SMPD4: variants seen among roughly 807,000 people sequenced by gnomAD.
SMPD4 encodes neutral sphingomyelinase 3.
A neutral mutation model predicts 97.8 loss-of-function variants in SMPD4; 58 were observed. That is an observed-to-expected ratio of 0.59 (90% CI 0.48 to 0.74). The LOEUF (loss-of-function observed/expected upper bound fraction) is 0.74. Among genes scored for constraint, SMPD4 ranks in the 30% least tolerant of loss-of-function variants. The pLI is 0.00. For synonymous variants in SMPD4, 388 were observed against 450.0 expected, an observed-to-expected ratio of 0.86 and a Z score of 1.74; for missense variants, 853 against 1,080.5, an observed-to-expected ratio of 0.79 and a Z score of 2.95.
rs1467239377 is a variant in SMPD4, at chr2:130,161,221, C to T, written c.916G>A (p.Ala306Thr). The part of the protein sequence containing the change: ...LSVSSALYSP[A>T]QPSLQALHAY... ...TGGAGGGCCTGGAGGCTGGGTTGGG[C>T]GGGGCTGTAGAGGGCGCTGGAGACA... Residue 306 changes from alanine (A) to threonine (T), a missense_variant, in exon 11 of 20, where the codon GCC (alanine) becomes ACC (threonine). Ala to Thr is a moderately conservative substitution (Grantham distance 58). Around this residue, in one of 3 missense-constraint regions of SMPD4, gnomAD observed 313 missense variants for 402.2 expected, o/e 0.78. Coordinates refer to ENST00000680298, the MANE Select transcript of SMPD4 (RefSeq NM_017951.5). The T allele has an allele frequency of 3.1e-6, 5 of 1,613,676 alleles. No homozygotes were observed. The highest frequency in any genetic ancestry group is 3.3e-5 in the Admixed American group (2 of 59,996).
intron 11 of SMPD4, chr2:130,157,872 G>C (rs1472414295): frequency 4.8e-6 from 1 of 206,362 alleles, no homozygotes; most frequent in Non-Finnish European, 1.0e-5. Flanking sequence ...CAGGTGTGGT[G>C]CCTCAGACCT....
At chr2:130,175,031 G>A (rs758624930) in intron 2 of SMPD4, 31 bp from the exon 3 acceptor site, 103 of 1,514,304 alleles carry the variant, frequency 6.8e-5, no homozygotes, top group Non-Finnish European at 8.6e-5. Context: ...AAAAAGTCAC[G>A]AGGACATTCA....
intron 1 of SMPD4, among the ~76,000 whole-genome samples, chr2:130,179,692 G>A (rs533312681): frequency 4.0e-5 from 6 of 150,620 alleles, no homozygotes; most frequent in African/African-American, 9.8e-5. Flanking sequence ...GTCTCGCTCC[G>A]TTGCCAAGCT....
chr2:130,180,148 A>G (rs1689401188), intron 1 of SMPD4, among the ~76,000 whole-genome samples: 1 of 145,188 alleles, frequency 6.9e-6, no homozygotes, highest in Non-Finnish European at 1.5e-5. Flanking sequence ...TTGTATTTTT[A>G]GTAGACAGGG....
chr2:130,174,792 G>C, intron 3 of SMPD4, 122 bp downstream of exon 3: 2 of 659,000 alleles, frequency 3.0e-6, no homozygotes, highest in Non-Finnish European at 2.8e-6. Flanking sequence ...CATGGTAATG[G>C]CCAGGCCTCT....
rs1688832494 is a variant in SMPD4 at position 130,174,996 on chromosome 2, C to T, written c.44G>A (p.Ser15Asn). 6.2e-7 allele frequency: 1 copy of T among 1,605,412 alleles called. No individual in the cohort carries two copies. Among genetic ancestry groups the T allele is most frequent in the Non-Finnish European group, 8.5e-7 (1 of 1,172,546 alleles). Residue 15 changes from serine to asparagine, a missense_variant, in exon 3 of 20, where the codon AGC (serine) becomes AAC (asparagine). Ser to Asn is a conservative substitution (Grantham distance 46, BLOSUM62 1). Transcript: ENST00000680298. ...CTTATTTATAGAGTCAGCTTTCAGGCTAGCCTAGAAGACAGAACAAAGCGA... is the reference window on the plus strand; with the variant it reads ...CTTATTTATAGAGTCAGCTTTCAGGTTAGCCTAGAAGACAGAACAAAGCGA... Reference protein sequence around the residue: ...HLQQPSFLLASLKADSINKPF... With the variant: ...HLQQPSFLLANLKADSINKPF...
chr2:130,164,403 A>G lies in SMPD4; in HGVS notation c.835T>C (p.Tyr279His). 1.2e-6 allele frequency: 2 copies of G among 1,614,164 alleles called. No individual in the cohort carries two copies. Among genetic ancestry groups the G allele is most frequent in the Non-Finnish European group, 1.7e-6 (2 of 1,180,018 alleles). ...MWLHHYSLEM[Y>H]QKMQSPHAKL... Reference sequence around the variant, plus strand: ...GCATGAGGGGACTGCATTTTTTGATACATCTCCAAGGAATAGTGATGAAGC... The same window carrying G: ...GCATGAGGGGACTGCATTTTTTGATGCATCTCCAAGGAATAGTGATGAAGC... The change falls in exon 10 of 20, where the codon TAT (tyrosine) becomes CAT (histidine). Residue 279 changes from tyrosine to histidine, a missense_variant. Tyr to His is a moderately conservative substitution (Grantham distance 83). Coordinates refer to ENST00000680298, the MANE Select transcript of SMPD4 (RefSeq NM_017951.5).
intron 1 of SMPD4, among the ~76,000 whole-genome samples, chr2:130,179,155 G>A (rs1452967468): frequency 1.4e-5 from 2 of 141,120 alleles, no homozygotes; most frequent in Non-Finnish European, 1.5e-5. Context: ...ACAGAGTCTC[G>A]CTCTGTTGCC....
intron 10 of SMPD4, among the ~76,000 whole-genome samples, chr2:130,163,573 G>A (rs1183947121): frequency 6.6e-6 from 1 of 152,258 alleles, no homozygotes; most frequent in African/African-American, 2.4e-5. Flanking sequence ...AGTTTCCCAA[G>A]CATACTGATG....
At position 130,181,597 on chromosome 2, in the gene SMPD4, G is replaced by C. The variant is rs772208116; in HGVS notation, c.-113C>G. 8.1e-6 allele frequency: 13 copies of C among 1,601,760 alleles called. No individual in the cohort carries two copies. The Admixed American group carries it at 2.1e-4, about 25-fold the overall frequency. On this transcript the variant is annotated 5_prime_UTR_variant, in exon 1 of 20. Coordinates refer to ENST00000680298, the MANE Select transcript of SMPD4 (RefSeq NM_017951.5). ...CCATTCCGCCACGGCGCCGAAAGTCGTCATCAAGCTGCGCGCAGAGCCACG... is the reference window on the plus strand; with the variant it reads ...CCATTCCGCCACGGCGCCGAAAGTCCTCATCAAGCTGCGCGCAGAGCCACG...
chr2:130,171,057 C>A (rs2104890752), intron 8 of SMPD4, among the ~76,000 whole-genome samples: 1 of 151,762 alleles, frequency 6.6e-6, no homozygotes, highest in Admixed American at 6.6e-5. Context: ...GAGTGAGACT[C>A]CATCTCCAAA....
chr2:130,173,447 G>C (rs1688667116), intron 4 of SMPD4, 67 bp downstream of exon 4: 1 of 1,590,444 alleles, frequency 6.3e-7, no homozygotes, highest in South Asian at 1.1e-5. Context: ...GAAATTCAGA[G>C]AGTGCTTTAA....
intron 12 of SMPD4, chr2:130,156,906 C>T (rs1205825064): frequency 1.7e-6 from 2 of 1,194,858 alleles, no homozygotes; most frequent in South Asian, 2.8e-5. Context: ...CTCCTGCACA[C>T]ACCTCACCCT....
intron 1 of SMPD4, chr2:130,181,315 C>A: frequency 2.1e-6 from 3 of 1,423,992 alleles, no homozygotes; most frequent in South Asian, 1.5e-5. Flanking sequence ...ACAGAGTGTA[C>A]GAGCCGCGCG....
intron 1 of SMPD4, among the ~76,000 whole-genome samples, chr2:130,178,656 G>T (rs983603661): frequency 6.6e-6 from 1 of 152,052 alleles, no homozygotes; most frequent in Non-Finnish European, 1.5e-5. Flanking sequence ...TTAGCTGGGT[G>T]TGGTGGCGGG....
In SMPD4 at chr2:130,155,202, C is replaced by G; in HGVS notation, c.1347G>C (p.Leu449=). 6.2e-7 allele frequency: 1 copy of G among 1,614,070 alleles called. No homozygotes were observed. Among genetic ancestry groups the G allele is most frequent in the East Asian group, 2.2e-5 (1 of 44,888 alleles). Residue 449 remains leucine (L), a synonymous_variant, in exon 15 of 20, where the codon CTG becomes CTC. Transcript: ENST00000680298. The part of the protein sequence containing the change: ...LMYTKLFVGF[L]NRALRTDLVS... ...CCAGGTCTGTGCGGAGCGCGCGGTT[C>G]AGAAAGCCCACAAACAACTTGGTGT...
intron 11 of SMPD4, among the ~76,000 whole-genome samples, chr2:130,160,765 G>A (rs1417919462): frequency 8.5e-5 from 13 of 152,076 alleles, no homozygotes; most frequent in South Asian, 2.1e-4. Context: ...CACACCACCC[G>A]TAAGTCCCAG....
At position 130,172,252 on chromosome 2, in the gene SMPD4, C is replaced by T. The variant is rs13418538; in HGVS notation, c.659+97G>A. On this transcript the variant is annotated intron_variant, in intron 8 of 19. Coordinates refer to ENST00000680298, the MANE Select transcript of SMPD4 (RefSeq NM_017951.5). ...TGAGGCATAAGAAAAATTGGGGAACCGTGGACAAAGGGTGGCAACATTGTC... is the reference window on the plus strand; with the variant it reads ...TGAGGCATAAGAAAAATTGGGGAACTGTGGACAAAGGGTGGCAACATTGTC... The T allele has an allele frequency of 4.5e-4, 608 of 1,346,074 alleles. 2 individuals are homozygous for T. The African/African-American group carries it at 7.3e-3, about 16-fold the overall frequency. The allele number at this position is 1,346,074 out of a possible 1,614,324, so 83.4% of individuals were successfully genotyped here. A position where few individuals can be genotyped will look rare whatever the true frequency, so the allele number is the denominator to read the frequency against.
In SMPD4 at chr2:130,153,847, G is replaced by A; in HGVS notation, c.1748C>T (p.Ser583Phe). The change falls in exon 17 of 20, where the codon TCC becomes TTC. Residue 583 changes from serine to phenylalanine, a missense_variant. Around this residue, in one of 3 missense-constraint regions of SMPD4, gnomAD observed 511 missense variants for 608.1 expected, o/e 0.84. Coordinates refer to ENST00000680298, the MANE Select transcript of SMPD4 (RefSeq NM_017951.5). ...GCTAAAGCCCAGCCATGAGAGGAAG[G>A]AGTGGCCAGCCGGGCTCTCCGCACA... Reference protein sequence around the residue: ...DQCAESPAGHSFLSWLGFSSM... With the variant: ...DQCAESPAGHFFLSWLGFSSM... 1 of 1,613,952 alleles carries A rather than the reference G, an allele frequency of 6.2e-7. No homozygotes were observed. Among genetic ancestry groups the A allele is most frequent in the South Asian group, 1.1e-5 (1 of 91,080 alleles).
Sources: allele counts gnomAD v4.1 joint callset (sites outside exome capture counted in the v4.1 genomes callset), GRCh38; gene constraint gnomAD v4.1.1; regional missense constraint gnomAD v4.1.1; transcripts MANE v1.5; gene names NCBI Gene and HGNC (gene_info 2026-07-23, HGNC 2026-07-21).